The following FAM20C variants were observed in gnomAD, a reference collection of about 807,000 sequenced individuals.
The protein encoded by FAM20C is extracellular serine/threonine protein kinase FAM20C.
FAM20C carries 40 observed loss-of-function variants against 51.5 expected under a neutral mutation model. The observed-to-expected ratio is 0.78, with a 90% CI of 0.60 to 1.01. FAM20C has a LOEUF of 1.01. FAM20C is among the 50% of genes least tolerant of loss of function. The probability of loss-of-function intolerance (pLI) is 0.00; values close to 1 mark genes in which losing one functional copy is unlikely to be tolerated. For synonymous variants in FAM20C, 406 were observed against 380.6 expected (o/e 1.07, Z -0.78); for missense variants, 861 against 844.7 (o/e 1.02, Z -0.24).
chr7:222,103 C>T (rs1787254062), intron 3 of FAM20C, among the ~76,000 whole-genome samples: 1 of 142,758 alleles, frequency 7.0e-6, no homozygotes. Context: ...CATCTGGGCA[C>T]CCGGGAGGGA....
intron 3 of FAM20C, among the ~76,000 whole-genome samples, chr7:213,900 G>A (rs759442354): frequency 5.3e-5 from 8 of 152,150 alleles, no homozygotes; most frequent in Non-Finnish European, 8.8e-5. Context: ...TGACTTGCAC[G>A]TCCCGGTGAC....
chr7:252,123 C>A (rs1005203185), intron 5 of FAM20C, among the ~76,000 whole-genome samples: 2 of 152,272 alleles, frequency 1.3e-5, no homozygotes, highest in Non-Finnish European at 2.9e-5. Context: ...ATGTGTCTCC[C>A]AACCACAGAT....
At chr7:211,977 T>A (rs759974801) in intron 3 of FAM20C, among the ~76,000 whole-genome samples, 5 of 152,158 alleles carry the variant, frequency 3.3e-5, no homozygotes, top group Non-Finnish European at 7.4e-5. Context: ...CCGACCCTCC[T>A]TTGCAAACCA....
chr7:246,541 C>CCTCCATCCGTGCTCA, intron 4 of FAM20C, 34 bp downstream of exon 4: 1 of 1,281,770 alleles, frequency 7.8e-7, no homozygotes, highest in Non-Finnish European at 1.0e-6. Context: ...ATCCGCGCTC[C>CCTCCATCCGTGCTCA]CGTGCGCTCA....
chr7:210,246 A>G (rs550530294), intron 3 of FAM20C, among the ~76,000 whole-genome samples: 1 of 152,126 alleles, frequency 6.6e-6, no homozygotes, highest in Admixed American at 6.5e-5. Context: ...GATCACAAGC[A>G]CTTCCTTCCC....
At chr7:207,489 G>A (rs115030043) in intron 2 of FAM20C, among the ~76,000 whole-genome samples, 367 of 152,288 alleles carry the variant, frequency 2.4e-3, no homozygotes, top group African/African-American at 8.4e-3. Flanking sequence ...CCCTCGCTCC[G>A]AGAGCAGCTC....
intron 3 of FAM20C, among the ~76,000 whole-genome samples, chr7:215,046 C>T (rs1004587139): frequency 6.6e-6 from 1 of 152,018 alleles, no homozygotes; most frequent in African/African-American, 2.4e-5. Flanking sequence ...AAACACTCCT[C>T]GTCACTACAC....
chr7:212,610 C>T (rs1380608727), intron 3 of FAM20C, among the ~76,000 whole-genome samples: 4 of 150,242 alleles, frequency 2.7e-5, no homozygotes, highest in Non-Finnish European at 4.4e-5. Flanking sequence ...GGTGAGGGGC[C>T]GGCGGTGAGG....
intron 3 of FAM20C, among the ~76,000 whole-genome samples, chr7:215,228 TG>T (rs71016858): frequency 0.44 from 34,815 of 79,460 alleles, 6,832 homozygotes; most frequent in South Asian, 0.51. Context: ...AGGCTCCAGC[TG>T]GGGGGGGGAG....
At chr7:199,105 G>T (rs758567799) in intron 2 of FAM20C, among the ~76,000 whole-genome samples, 17 of 152,238 alleles carry the variant, frequency 1.1e-4, no homozygotes, top group Non-Finnish European at 1.2e-4. Flanking sequence ...AGGAGGATGT[G>T]ATCTGTCCTA....
intron 3 of FAM20C, among the ~76,000 whole-genome samples, chr7:216,551 G>T (rs866123041): frequency 6.6e-6 from 1 of 151,914 alleles, no homozygotes; most frequent in Non-Finnish European, 1.5e-5. Flanking sequence ...GCTGGCCGGG[G>T]AATCTTTTCT....
intron 5 of FAM20C, among the ~76,000 whole-genome samples, chr7:248,869 A>G (rs538597339): frequency 6.6e-6 from 1 of 152,286 alleles, no homozygotes; most frequent in Non-Finnish European, 1.5e-5. Context: ...CTCTCCAGGT[A>G]GCCTGGCACG....
chr7:246,227 G>T (rs559298083), intron 3 of FAM20C, 188 bp from the exon 4 acceptor site: 3 of 573,292 alleles, frequency 5.2e-6, no homozygotes, highest in Non-Finnish European at 9.3e-6. Flanking sequence ...TCCGTCGCAC[G>T]TGCCTGCGCT....
Position 202,673 on chromosome 7 carries a change from C to T in FAM20C, c.785-6225C>T, listed in dbSNP as rs547377016. 1.2e-4 allele frequency among the ~76,000 whole-genome samples: 16 copies of T among 132,948 alleles called. No individual in the cohort carries two copies. The South Asian group carries it at 2.7e-3, about 23-fold the overall frequency. 87.2% of individuals were successfully genotyped at this position (132,948 alleles called of 152,430 possible). Reference sequence around the variant, plus strand: ...GTGAGATTGCACTGGGGAATGGGGCCCGTGGACATCTTCCCGTGTGCATAG... The same window carrying T: ...GTGAGATTGCACTGGGGAATGGGGCTCGTGGACATCTTCCCGTGTGCATAG... On this transcript the variant is annotated intron_variant, in intron 2 of 9. Coordinates refer to ENST00000313766, the MANE Select transcript of FAM20C (RefSeq NM_020223.4).
chr7:227,542 T>G (rs546202304), intron 3 of FAM20C: 1 of 145,952 alleles, frequency 6.9e-6, no homozygotes, highest in East Asian at 2.0e-4. Flanking sequence ...GCTCAATATT[T>G]AATCCTGGTT....
intron 2 of FAM20C, 27 bp from the exon 3 acceptor site, chr7:208,871 C>T (rs1281303763): frequency 6.4e-7 from 1 of 1,555,518 alleles, no homozygotes; most frequent in South Asian, 1.2e-5. Context: ...CAGAGAGTGA[C>T]CCTGTTTCTC....
In FAM20C at chr7:206,051, G is replaced by A. The variant is rs532147197; in HGVS notation, c.785-2847G>A. ...AGCTCCACGCCCTCAGCACACGCGC[G>A]TGCCCTCCAGCCACGTGGAGGAGCC... On this transcript the variant is annotated intron_variant, in intron 2 of 9. Coordinates refer to ENST00000313766, the MANE Select transcript of FAM20C (RefSeq NM_020223.4). 5.9e-5 allele frequency among the ~76,000 whole-genome samples: 9 copies of A among 152,082 alleles called. No homozygotes were observed. In the East Asian group the frequency reaches 7.8e-4, roughly 13 times the overall value.
chr7:257,450 C>A (rs1171062130), intron 8 of FAM20C: 9 of 223,446 alleles, frequency 4.0e-5, no homozygotes, highest in Non-Finnish European at 3.5e-5. Flanking sequence ...GGATAGGCGG[C>A]CTCTGCGGCC....
rs73252804 is a variant in FAM20C at position 219,314 on chromosome 7, A to G, written c.863+10338A>G. Reference sequence around the variant, plus strand: ...TGCACAGTCCGTGCTTGCTGAGTGCATGGATGAAAAGTGAAGGACACCCAG... The same window carrying G: ...TGCACAGTCCGTGCTTGCTGAGTGCGTGGATGAAAAGTGAAGGACACCCAG... On this transcript the variant is annotated intron_variant, in intron 3 of 9. Transcript: ENST00000313766. 4.9e-3 allele frequency among the ~76,000 whole-genome samples: 740 copies of G among 151,792 alleles called. 9 individuals are homozygous for G. Among genetic ancestry groups the G allele is most frequent in the African/African-American group, 0.016 (680 of 41,280 alleles).
Sources: allele counts gnomAD v4.1 joint callset (sites outside exome capture counted in the v4.1 genomes callset), GRCh38; gene constraint gnomAD v4.1.1; transcripts MANE v1.5; gene names NCBI Gene and HGNC (gene_info 2026-07-23, HGNC 2026-07-21).